PTPRN2: variants seen among roughly 807,000 people sequenced by gnomAD.
PTPRN2 encodes protein tyrosine phosphatase receptor type N2, also known as receptor-type tyrosine-protein phosphatase N2.
A neutral mutation model predicts 118.8 loss-of-function variants in PTPRN2; 74 were observed. That is an observed-to-expected ratio of 0.62 (90% confidence interval 0.52 to 0.76). PTPRN2 has a LOEUF of 0.76. Among genes scored for constraint, PTPRN2 ranks in the 30% least tolerant of loss-of-function variants. The pLI, the probability that PTPRN2 is intolerant of heterozygous loss-of-function variation, is 0.00. For missense variants in PTPRN2, 1,481 were observed against 1,394.4 expected (o/e 1.06, Z -0.99); for synonymous variants, 641 against 608.0 (o/e 1.05, Z -0.80).
intron 13 of PTPRN2, among the ~76,000 whole-genome samples, chr7:157,661,823 A>C (rs577715456): frequency 2.0e-5 from 3 of 152,200 alleles, no homozygotes; most frequent in Non-Finnish European, 1.5e-5. Context: ...GGCACCAGCC[A>C]TGTTTCCCTC....
chr7:158,354,355 G>A (rs1015953039), intron 2 of PTPRN2, among the ~76,000 whole-genome samples: 16 of 152,068 alleles, frequency 1.1e-4, no homozygotes, highest in African/African-American at 3.1e-4. Context: ...CTCCCCAAAC[G>A]GACAAAGCCA....
chr7:157,667,786 G>A (rs534771148), intron 13 of PTPRN2, among the ~76,000 whole-genome samples: 3 of 152,340 alleles, frequency 2.0e-5, no homozygotes, highest in South Asian at 2.1e-4. Context: ...TAAACCCAGC[G>A]CGTCCGCACC....
At chr7:158,205,123 T>C (rs758765905) in intron 4 of PTPRN2, 48 bp downstream of exon 4, 1 of 1,411,024 alleles carries the variant, frequency 7.1e-7, no homozygotes, top group Non-Finnish European at 1.0e-6. Context: ...GTAATGGCTA[T>C]GGACTGTGTC....
In PTPRN2 at chr7:157,763,790, C is replaced by G. The variant is rs1802287132; in HGVS notation, c.1789-80853G>C. On this transcript the variant is annotated intron_variant, in intron 12 of 22. Coordinates refer to ENST00000389418, the MANE Select transcript of PTPRN2 (RefSeq NM_002847.5). The surrounding 1 kb of genome is among the most constrained non-coding windows in gnomAD (Gnocchi z 4.9). Reference sequence around the variant, plus strand: ...GAGCCCCGGCAGTGGTAGGAGGAGGCTGCACCGGGCAGGGTTAGGGGCTGC... The same window carrying G: ...GAGCCCCGGCAGTGGTAGGAGGAGGGTGCACCGGGCAGGGTTAGGGGCTGC... Among the ~76,000 whole-genome samples the G allele has an allele frequency of 6.6e-6, 1 of 152,088 alleles. No homozygotes were observed. Among genetic ancestry groups the G allele is most frequent in the Admixed American group, 6.5e-5 (1 of 15,276 alleles).
Position 158,136,062 on chromosome 7 carries a change from C to T in PTPRN2, c.1173+593G>A, listed in dbSNP as rs564502649. On this transcript the variant is annotated intron_variant, in intron 8 of 22. Coordinates refer to ENST00000389418, the MANE Select transcript of PTPRN2 (RefSeq NM_002847.5). ...ACTGGGCCCTTCTTCTGACTGCCTC[C>T]GGAGCAGCAGTGCCCACGGGGGCTC... is the stretch of plus-strand genomic sequence containing the variant. 2.3e-4 allele frequency among the ~76,000 whole-genome samples: 35 copies of T among 152,354 alleles called. No individual in the cohort carries two copies. In the East Asian group the frequency reaches 2.3e-3, roughly 10 times the overall value.
chr7:157,809,649 C>T (rs73746634), intron 12 of PTPRN2, among the ~76,000 whole-genome samples: 2,069 of 152,210 alleles, frequency 0.014, 48 homozygotes, highest in African/African-American at 0.045. Context: ...AGGACGGAGA[C>T]GGAACGGAGT....
Position 158,563,141 on chromosome 7 carries a change from G to A in PTPRN2, c.112+24417C>T, listed in dbSNP as rs929093753. Reference sequence around the variant, plus strand: ...AGGTATCTGCTGGTGCAGTGCCACCGAAGAAGAGAGGTCCTACCTGAAACC... The same window carrying A: ...AGGTATCTGCTGGTGCAGTGCCACCAAAGAAGAGAGGTCCTACCTGAAACC... On this transcript the variant is annotated intron_variant, in intron 1 of 22. Coordinates refer to ENST00000389418, the MANE Select transcript of PTPRN2 (RefSeq NM_002847.5). The surrounding 1 kb of genome is among the most constrained non-coding windows in gnomAD (Gnocchi z 5.1). Among the ~76,000 whole-genome samples, 3 of 149,802 alleles carry A rather than the reference G, an allele frequency of 2.0e-5. No homozygotes were observed. Among genetic ancestry groups the A allele is most frequent in the Non-Finnish European group, 4.4e-5 (3 of 68,020 alleles).
At chr7:158,125,310 C>T (rs1223352333) in intron 9 of PTPRN2, among the ~76,000 whole-genome samples, 1 of 151,854 alleles carries the variant, frequency 6.6e-6, no homozygotes. Flanking sequence ...CAAGTCCCTC[C>T]CAGGGCCACC....
chr7:158,182,486 T>A (rs1824798635), intron 5 of PTPRN2, among the ~76,000 whole-genome samples: 1 of 152,070 alleles, frequency 6.6e-6, no homozygotes, highest in Non-Finnish European at 1.5e-5. Context: ...CCCCCAACCC[T>A]CAGCAGGCCC....
intron 12 of PTPRN2, among the ~76,000 whole-genome samples, chr7:157,795,761 G>A (rs945402031): frequency 2.0e-5 from 3 of 152,352 alleles, no homozygotes; most frequent in African/African-American, 7.2e-5. Flanking sequence ...GGCGGGAGGC[G>A]GGAGGTGGAG....
intron 3 of PTPRN2, among the ~76,000 whole-genome samples, chr7:158,262,590 TCACACA>T (rs899252378): frequency 1.1e-5 from 1 of 88,350 alleles, no homozygotes. Context: ...GCACACACAT[TCACACA>T]CATTCACACA....
intron 20 of PTPRN2, among the ~76,000 whole-genome samples, chr7:157,569,230 T>C (rs1289598201): frequency 6.6e-6 from 1 of 152,168 alleles, no homozygotes. Flanking sequence ...TCTTGCTTGT[T>C]CCCCCCTCTT....
intron 12 of PTPRN2, among the ~76,000 whole-genome samples, chr7:157,854,215 A>G (rs1809509747): frequency 6.6e-6 from 1 of 152,162 alleles, no homozygotes; most frequent in South Asian, 2.1e-4. Flanking sequence ...CAGGGCCTAC[A>G]TTGGGTGCTG....
chr7:158,144,472 T>A (rs1819700023), intron 6 of PTPRN2, among the ~76,000 whole-genome samples: 1 of 152,196 alleles, frequency 6.6e-6, no homozygotes, highest in Admixed American at 6.5e-5. Context: ...ACTCCATCTC[T>A]ACTAAAAATA....
chr7:157,607,350 G>C (rs1802067058), intron 15 of PTPRN2, among the ~76,000 whole-genome samples: 2 of 152,244 alleles, frequency 1.3e-5, no homozygotes, highest in South Asian at 4.1e-4. Context: ...CACAGAGCGT[G>C]GGAATAAAAG....
intron 15 of PTPRN2, among the ~76,000 whole-genome samples, chr7:157,607,844 C>T (rs112219397): frequency 6.0e-4 from 91 of 152,208 alleles, no homozygotes; most frequent in African/African-American, 2.0e-3. Context: ...CCTCTCCTCT[C>T]GATGGCAGAG....
chr7:157,675,738 G>A (rs770129099), intron 13 of PTPRN2, among the ~76,000 whole-genome samples: 2 of 152,094 alleles, frequency 1.3e-5, no homozygotes, highest in Non-Finnish European at 1.5e-5. Context: ...CTCGGGCAGC[G>A]CTTCAGAGCT....
rs147162436 is a variant in PTPRN2 at position 158,584,321 on chromosome 7, A to G, written c.112+3237T>C. 5.2e-4 allele frequency among the ~76,000 whole-genome samples: 79 copies of G among 152,292 alleles called. No homozygotes were observed. In the East Asian group the frequency reaches 9.3e-3, roughly 18 times the overall value. Reference sequence around the variant, plus strand: ...AAGAACAGCGTAAAGCCCTTAACAAAGGGCTTATGTTCAAGTTAAACTTAA... The same window carrying G: ...AAGAACAGCGTAAAGCCCTTAACAAGGGGCTTATGTTCAAGTTAAACTTAA... On this transcript the variant is annotated intron_variant, in intron 1 of 22. Transcript: ENST00000389418.
At chr7:158,333,764 C>T (rs1297195321) in intron 2 of PTPRN2, among the ~76,000 whole-genome samples, 9 of 128,224 alleles carry the variant, frequency 7.0e-5, no homozygotes, top group South Asian at 2.4e-4. Flanking sequence ...AGCTGACACC[C>T]GCAGACATCA....
Sources: gnomAD v4.1 joint callset for allele counts (sites outside exome capture counted in the v4.1 genomes callset) on GRCh38, gnomAD v4.1.1 for gene constraint, Gnocchi (gnomAD v3.1) non-coding constraint, MANE v1.5 for transcripts, NCBI Gene and HGNC (gene_info 2026-07-23, HGNC 2026-07-21) for gene names.